The following NEGR1 variants were observed in gnomAD, a reference collection of about 807,000 sequenced individuals.
The protein encoded by NEGR1 is neuronal growth regulator 1, also known as IgLON family member 4.
A neutral mutation model predicts 40.9 loss-of-function variants in NEGR1; 10 were observed. That is an observed-to-expected ratio of 0.24 (90% CI 0.15 to 0.42). The LOEUF (loss-of-function observed/expected upper bound fraction) is 0.42, where lower values mean the gene tolerates loss of function less well. NEGR1 is among the 10% of genes least tolerant of loss of function. NEGR1 has a pLI of 1.00. For synonymous variants in NEGR1, 185 were observed against 166.8 expected, an observed-to-expected ratio of 1.11 and a Z score of -0.84; for missense variants, 352 against 438.9, an observed-to-expected ratio of 0.80 and a Z score of 1.77.
chr1:71,784,657 T>C (rs1477899344), intron 2 of NEGR1, among the ~76,000 whole-genome samples: 1 of 152,204 alleles, frequency 6.6e-6, no homozygotes, highest in South Asian at 2.1e-4. Context: ...GAAACTAAAG[T>C]GGAAATTACT....
chr1:71,430,707 T>C (rs1295665611), intron 6 of NEGR1, among the ~76,000 whole-genome samples: 4 of 3,514 alleles, frequency 1.1e-3, no homozygotes, highest in Non-Finnish European at 5.1e-3. Context: ...AAAGGCCTTT[T>C]TTTTTTTTTT....
chr1:71,573,989 T>C (rs1648882864), intron 6 of NEGR1, among the ~76,000 whole-genome samples: 1 of 152,214 alleles, frequency 6.6e-6, no homozygotes, highest in Admixed American at 6.5e-5. Flanking sequence ...GCATGCTTTG[T>C]TGTTCCCTGT....
intron 6 of NEGR1, among the ~76,000 whole-genome samples, chr1:71,566,414 T>C (rs1460507316): frequency 2.0e-5 from 3 of 152,162 alleles, no homozygotes; most frequent in African/African-American, 7.2e-5. Flanking sequence ...CTTAGCTAGC[T>C]TTTTAAAAAA....
chr1:71,413,800 A>G (rs913047930), intron 6 of NEGR1, among the ~76,000 whole-genome samples: 4 of 152,038 alleles, frequency 2.6e-5, no homozygotes, highest in African/African-American at 9.7e-5. Context: ...TTTAACATAT[A>G]TCTTATATCT....
intron 6 of NEGR1, among the ~76,000 whole-genome samples, chr1:71,462,013 G>A (rs918857379): frequency 2.0e-5 from 3 of 152,054 alleles, no homozygotes; most frequent in African/African-American, 7.2e-5. Context: ...CTGAAATTTT[G>A]ATTCTAATTA....
At chr1:71,572,883 A>T (rs533591738) in intron 6 of NEGR1, among the ~76,000 whole-genome samples, 2 of 152,180 alleles carry the variant, frequency 1.3e-5, no homozygotes, top group Admixed American at 6.5e-5. Flanking sequence ...ATAAAGGGTG[A>T]CCATTTAGAT....
intron 2 of NEGR1, among the ~76,000 whole-genome samples, chr1:71,783,840 G>A (rs12091362): frequency 0.13 from 17,626 of 133,674 alleles, 1,419 homozygotes; most frequent in African/African-American, 0.23. Flanking sequence ...CCATCCACCC[G>A]TCCATCCATC....
At chr1:72,046,753 G>T (rs1183746736) in intron 1 of NEGR1, among the ~76,000 whole-genome samples, 1 of 151,550 alleles carries the variant, frequency 6.6e-6, no homozygotes, top group African/African-American at 2.4e-5. Flanking sequence ...AATAAAAATA[G>T]CTCAAATATG....
chr1:71,632,826 C>T (rs1029146036), intron 4 of NEGR1, among the ~76,000 whole-genome samples: 2 of 151,892 alleles, frequency 1.3e-5, no homozygotes, highest in Non-Finnish European at 2.9e-5. Context: ...AGTTTTCCTA[C>T]TGTACAATCT....
chr1:71,570,244 T>G (rs968755130), intron 6 of NEGR1, among the ~76,000 whole-genome samples: 5 of 152,196 alleles, frequency 3.3e-5, no homozygotes, highest in Non-Finnish European at 1.5e-5. Context: ...TTGGATTTTT[T>G]TGTACATGGC....
intron 1 of NEGR1, among the ~76,000 whole-genome samples, chr1:72,065,508 G>A (rs997946523): frequency 6.6e-6 from 1 of 152,044 alleles, no homozygotes; most frequent in African/African-American, 2.4e-5. Flanking sequence ...ATCTGCCAAG[G>A]CTTCTCTGGG....
intron 1 of NEGR1, among the ~76,000 whole-genome samples, chr1:72,135,622 G>C (rs974383346): frequency 2.0e-5 from 3 of 152,002 alleles, no homozygotes; most frequent in Admixed American, 2.0e-4. Flanking sequence ...TGAGAAGAAA[G>C]AACTGTGAGA....
At chr1:71,871,755 G>GT (rs1221254795) in intron 2 of NEGR1, among the ~76,000 whole-genome samples, 2 of 151,392 alleles carry the variant, frequency 1.3e-5, no homozygotes, top group Non-Finnish European at 3.0e-5. Flanking sequence ...CAGATATATT[G>GT]TTTTTTTATT....
chr1:71,407,641 G>C (rs573803208), intron 6 of NEGR1, 71 bp from the exon 7 acceptor site: 34 of 1,483,152 alleles, frequency 2.3e-5, no homozygotes, highest in Admixed American at 5.2e-5. Flanking sequence ...ATAATCAAAA[G>C]GTAGCCAGGT....
At position 72,067,569 on chromosome 1, in the gene NEGR1, T is replaced by C. The variant is rs973193632; in HGVS notation, c.177-132258A>G. 2.6e-5 allele frequency among the ~76,000 whole-genome samples: 4 copies of C among 152,128 alleles called. No homozygotes were observed. The South Asian group carries it at 8.3e-4, about 32-fold the overall frequency. Reference sequence around the variant, plus strand: ...TTACAGACAACTTATTTGATCCAAATCTTGCTTGAACTGTAGTTTTACACT... The same window carrying C: ...TTACAGACAACTTATTTGATCCAAACCTTGCTTGAACTGTAGTTTTACACT... On this transcript the variant is annotated intron_variant, in intron 1 of 6. Coordinates refer to ENST00000357731, the MANE Select transcript of NEGR1 (RefSeq NM_173808.3).
At chr1:71,696,875 A>G (rs1653491353) in intron 4 of NEGR1, among the ~76,000 whole-genome samples, 1 of 151,812 alleles carries the variant, frequency 6.6e-6, no homozygotes, top group African/African-American at 2.4e-5. Flanking sequence ...AGAACACTCC[A>G]TGAGAAATCC....
chr1:71,815,626 C>A (rs1373474101), intron 2 of NEGR1, among the ~76,000 whole-genome samples: 1 of 151,954 alleles, frequency 6.6e-6, no homozygotes, highest in Non-Finnish European at 1.5e-5. Flanking sequence ...TTACTTAGTT[C>A]TTCTTGTTGA....
intron 1 of NEGR1, among the ~76,000 whole-genome samples, chr1:72,095,064 T>A (rs76496882): frequency 0.011 from 1,704 of 152,202 alleles, 38 homozygotes; most frequent in African/African-American, 0.039. Flanking sequence ...AACTTAAAAA[T>A]AATGAAATCT....
At chr1:72,136,610 C>A (rs1410814558) in intron 1 of NEGR1, among the ~76,000 whole-genome samples, 6 of 134,398 alleles carry the variant, frequency 4.5e-5, no homozygotes, top group Admixed American at 1.5e-4. Flanking sequence ...AAAAAATGAA[C>A]TGAAACAATA....
Sources: gnomAD v4.1 joint callset for allele counts (sites outside exome capture counted in the v4.1 genomes callset) on GRCh38, gnomAD v4.1.1 for gene constraint, MANE v1.5 for transcripts, NCBI Gene and HGNC (gene_info 2026-07-23, HGNC 2026-07-21) for gene names.